Variants in FAM81A observed in about 807,000 individuals in gnomAD.
FAM81A encodes protein FAM81A.
In FAM81A, 19 loss-of-function variants were observed where a neutral mutation model predicts 46.7. The observed-to-expected ratio is 0.41, with a 90% CI of 0.28 to 0.60. The LOEUF (loss-of-function observed/expected upper bound fraction) is 0.60, where lower values mean the gene tolerates loss of function less well. Among genes scored for constraint, FAM81A ranks in the 20% least tolerant of loss-of-function variants. FAM81A has a pLI of 0.34. For synonymous variants in FAM81A, 183 were observed against 152.9 expected, an observed-to-expected ratio of 1.20 and a Z score of -1.45; for missense variants, 377 against 453.5, an observed-to-expected ratio of 0.83 and a Z score of 1.53.
intron 3 of FAM81A, among the ~76,000 whole-genome samples, chr15:59,481,143 C>G (rs1428831909): frequency 6.6e-6 from 1 of 151,934 alleles, no homozygotes; most frequent in Non-Finnish European, 1.5e-5. Flanking sequence ...CAGGGGTGTG[C>G]ACCACAACTC....
chr15:59,464,561 A>G (rs1209987408), intron 3 of FAM81A, among the ~76,000 whole-genome samples: 1 of 152,166 alleles, frequency 6.6e-6, no homozygotes, highest in Non-Finnish European at 1.5e-5. Flanking sequence ...CATTTCCCTG[A>G]TAATTAGTGA....
intron 4 of FAM81A, among the ~76,000 whole-genome samples, chr15:59,498,627 C>A (rs2082058746): frequency 6.6e-6 from 1 of 152,078 alleles, no homozygotes; most frequent in East Asian, 1.9e-4. Flanking sequence ...TCCATACTTT[C>A]ATTATTTAGT....
intron 2 of FAM81A, among the ~76,000 whole-genome samples, chr15:59,428,952 C>T (rs1004547212): frequency 8.5e-5 from 13 of 152,116 alleles, no homozygotes; most frequent in African/African-American, 2.7e-4. Flanking sequence ...TTTTGATCTA[C>T]TTTCTCATAC....
intron 4 of FAM81A, among the ~76,000 whole-genome samples, chr15:59,503,086 A>G (rs1387847581): frequency 6.6e-6 from 1 of 151,990 alleles, no homozygotes; most frequent in Non-Finnish European, 1.5e-5. Flanking sequence ...TACTAAAAAT[A>G]CTAAAATTAG....
intron 2 of FAM81A, among the ~76,000 whole-genome samples, chr15:59,422,060 A>G (rs1256593685): frequency 6.6e-6 from 1 of 152,090 alleles, no homozygotes; most frequent in Non-Finnish European, 1.5e-5. Flanking sequence ...TTGAGGTGAA[A>G]TTTCACATAA....
intron 2 of FAM81A, among the ~76,000 whole-genome samples, chr15:59,403,047 C>CTAGTTCATT (rs57934590): frequency 0.61 from 92,748 of 151,318 alleles, 29,248 homozygotes; most frequent in Non-Finnish European, 0.69. Flanking sequence ...TATATAGGTT[C>CTAGTTCATT]TAGTTCATTT....
Position 59,521,365 on chromosome 15 carries a change from A to C in FAM81A, c.1094A>C (p.Glu365Ala). Residue 365 changes from glutamate to alanine, a missense_variant, in exon 9 of 9, where the codon GAG becomes GCG. Transcript: ENST00000288228. ...CAAATCCAGCTGATGCAGAAGCCAGAGACCCCCATGTGAAGGGAGCTGGGA... is the reference window on the plus strand; with the variant it reads ...CAAATCCAGCTGATGCAGAAGCCAGCGACCCCCATGTGAAGGGAGCTGGGA... Reference protein sequence around the residue: ...QKQIQLMQKPETPM With the variant: ...QKQIQLMQKPATPM 1 of 1,611,088 alleles carries C rather than the reference A, an allele frequency of 6.2e-7. No homozygotes were observed. The highest frequency in any genetic ancestry group is 8.5e-7 in the Non-Finnish European group (1 of 1,178,392).
chr15:59,466,442 T>C (rs2081614345), intron 3 of FAM81A, among the ~76,000 whole-genome samples: 1 of 151,398 alleles, frequency 6.6e-6, no homozygotes, highest in Admixed American at 6.6e-5. Flanking sequence ...TGATTTGCAC[T>C]TCTGTGATGA....
chr15:59,451,088 G>A (rs961091112), intron 1 of FAM81A, among the ~76,000 whole-genome samples: 2 of 152,346 alleles, frequency 1.3e-5, no homozygotes, highest in Admixed American at 1.3e-4. Context: ...TCATGTTTCA[G>A]CATCATGGGT....
At chr15:59,512,471 CAAAAAAAAAAAAA>C (rs766904849) in intron 6 of FAM81A, among the ~76,000 whole-genome samples, 1 of 13,682 alleles carries the variant, frequency 7.3e-5, no homozygotes, top group East Asian at 2.8e-3. Context: ...AACTCCATCT[CAAAAAAAAAAAAA>C]AAAAAAAAAA....
At chr15:59,411,915 A>C (rs995955053) in intron 2 of FAM81A, among the ~76,000 whole-genome samples, 1 of 152,012 alleles carries the variant, frequency 6.6e-6, no homozygotes, top group Admixed American at 6.6e-5. Flanking sequence ...AAAATACTTT[A>C]ATCTTTATTT....
intron 4 of FAM81A, among the ~76,000 whole-genome samples, chr15:59,500,325 G>A (rs1011042339): frequency 6.6e-6 from 1 of 151,984 alleles, no homozygotes; most frequent in Non-Finnish European, 1.5e-5. Flanking sequence ...TTGAGTTGGA[G>A]TCTTACTCTT....
chr15:59,461,504 A>G (rs1195038028), intron 3 of FAM81A, among the ~76,000 whole-genome samples: 1 of 152,056 alleles, frequency 6.6e-6, no homozygotes. Flanking sequence ...TATTTTTTGT[A>G]GAGACATCGT....
At chr15:59,404,442 G>T (rs2081085604) in intron 2 of FAM81A, among the ~76,000 whole-genome samples, 1 of 152,006 alleles carries the variant, frequency 6.6e-6, no homozygotes, top group South Asian at 2.1e-4. Flanking sequence ...GTAGCAGTTT[G>T]GTGAGAAAGT....
At chr15:59,472,256 C>T (rs994622163) in intron 3 of FAM81A, among the ~76,000 whole-genome samples, 1 of 151,976 alleles carries the variant, frequency 6.6e-6, no homozygotes, top group Admixed American at 6.6e-5. Context: ...TGGGAGGAAT[C>T]GTTGAACCTC....
intron 2 of FAM81A, among the ~76,000 whole-genome samples, chr15:59,411,117 A>G (rs943187386): frequency 6.6e-6 from 1 of 152,326 alleles, no homozygotes. Flanking sequence ...ATGTTAAAGT[A>G]TATTAGCTTT....
intron 4 of FAM81A, among the ~76,000 whole-genome samples, chr15:59,495,741 T>G (rs1424668338): frequency 6.6e-6 from 1 of 152,180 alleles, no homozygotes; most frequent in African/African-American, 2.4e-5. Flanking sequence ...CTCATTGTGG[T>G]TTTGATTGCA....
chr15:59,419,120 T>G lies in FAM81A; in HGVS notation c.-78+16762T>G, dbSNP rs149356112. 3.9e-3 allele frequency among the ~76,000 whole-genome samples: 595 copies of G among 152,320 alleles called. 18 individuals carry two copies. The highest frequency in any genetic ancestry group is 7.3e-3 in the East Asian group (38 of 5,192). On this transcript the variant is annotated intron_variant, in intron 2 of 4. Coordinates refer to the FAM81A transcript ENST00000558348. ...ATCATTTCATCAGTTCGATTATCTG[T>G]AGGCCTAGGGTAATGTCCTGAACAC...
intron 2 of FAM81A, among the ~76,000 whole-genome samples, chr15:59,418,120 T>C (rs2081154975): frequency 6.6e-6 from 1 of 152,202 alleles, no homozygotes; most frequent in South Asian, 2.1e-4. Flanking sequence ...TAAAATAGGA[T>C]TTTTTATCTA....
Sources: allele counts gnomAD v4.1 joint callset (sites outside exome capture counted in the v4.1 genomes callset), GRCh38; gene constraint gnomAD v4.1.1; transcripts MANE v1.5; gene names NCBI Gene and HGNC (gene_info 2026-07-23, HGNC 2026-07-21).